Variants in TRMT44 observed in about 807,000 individuals in gnomAD.
TRMT44 encodes tRNA methyltransferase 44 homolog.
Under a neutral mutation model 77.3 loss-of-function variants are expected in TRMT44, and 78 were observed. The ratio of observed to expected loss-of-function variants is 1.01; its 90% CI spans 0.84 to 1.22. The LOEUF (loss-of-function observed/expected upper bound fraction) is 1.22, where lower values mean the gene tolerates loss of function less well. Ranked by LOEUF, TRMT44 falls within the 50% of genes most tolerant of loss-of-function variation. TRMT44 has a pLI of 0.00. For missense variants in TRMT44, 1,090 were observed against 964.4 expected (o/e 1.13, Z -1.73); for synonymous variants, 391 against 383.3 (o/e 1.02, Z -0.23).
At chr4:8,457,971 G>C (rs1244037364) in intron 6 of TRMT44, among the ~76,000 whole-genome samples, 1 of 152,208 alleles carries the variant, frequency 6.6e-6, no homozygotes, top group Non-Finnish European at 1.5e-5. Flanking sequence ...CCACTCCAGA[G>C]GAATTAACTA....
rs571039724 is a variant in TRMT44 at position 8,446,708 on chromosome 4, G to A, written c.734+118G>A. On this transcript the variant is annotated intron_variant, in intron 2 of 10. Transcript: ENST00000389737. The surrounding 1 kb of genome is among the most constrained non-coding windows in gnomAD (Gnocchi z 4.3). ...CCTGTCTCTGAGGTGGTTATGGTTT[G>A]TAGGAATGCAGTTGCTAGCTTATGT... The A allele has an allele frequency of 2.8e-4, 182 of 657,966 alleles. 1 individual carries two copies. Among genetic ancestry groups the A allele is most frequent in the Middle Eastern group, 1.8e-3 (6 of 3,338 alleles). 40.8% of individuals were successfully genotyped at this position (657,966 alleles called of 1,614,324 possible).
At chr4:8,491,294 A>G (rs1280151862) in intron 2 of TRMT44, among the ~76,000 whole-genome samples, 2 of 152,246 alleles carry the variant, frequency 1.3e-5, no homozygotes, top group Non-Finnish European at 2.9e-5. Context: ...TCCCTGAGCT[A>G]GACATAAAGA....
In TRMT44 at chr4:8,440,788, G is replaced by T; in HGVS notation, c.-35G>T. The T allele has an allele frequency of 7.3e-7, 1 of 1,378,218 alleles. No individual in the cohort carries two copies. The highest frequency in any genetic ancestry group is 9.3e-7 in the Non-Finnish European group (1 of 1,070,838). 85.4% of individuals were successfully genotyped at this position (1,378,218 alleles called of 1,614,324 possible). On this transcript the variant is annotated 5_prime_UTR_variant, in exon 1 of 11. Transcript: ENST00000389737. The stretch of plus-strand genomic sequence containing the variant: ...CGCCACCGGGCTGCGTCATCTCGGC[G>T]CGCCGCTGCCAGGGCTGTACACCTG...
intron 6 of TRMT44, among the ~76,000 whole-genome samples, chr4:8,455,169 G>A (rs376484077): frequency 3.3e-5 from 5 of 152,206 alleles, no homozygotes; most frequent in African/African-American, 4.8e-5. Context: ...AAGGCTGCTC[G>A]TTCAGTCAGC....
intron 8 of TRMT44, among the ~76,000 whole-genome samples, 160 bp from the exon 9 acceptor site, chr4:8,467,754 T>C (rs1726690928): frequency 6.6e-6 from 1 of 152,204 alleles, no homozygotes; most frequent in African/African-American, 2.4e-5. Context: ...ATGATAGGAG[T>C]GAGCCACCGT....
intron 6 of TRMT44, among the ~76,000 whole-genome samples, chr4:8,459,134 T>G: frequency 6.6e-6 from 1 of 152,066 alleles, no homozygotes. Flanking sequence ...TTTGGGAGGT[T>G]GAGACTGCGG....
chr4:8,497,416 C>T (rs1434613063), downstream of TRMT44, among the ~76,000 whole-genome samples: 22 of 152,166 alleles, frequency 1.4e-4, no homozygotes, highest in Admixed American at 1.3e-3. Flanking sequence ...GAGGCCGAGG[C>T]GGGTGGATCA....
chr4:8,508,261 C>T, the TRMT44 span, among the ~76,000 whole-genome samples: 1 of 152,214 alleles, frequency 6.6e-6, no homozygotes. Context: ...TGAGGCAGCC[C>T]CTGGGCAATT....
chr4:8,499,774 G>A, the TRMT44 span, among the ~76,000 whole-genome samples: 3 of 152,216 alleles, frequency 2.0e-5, no homozygotes, highest in Non-Finnish European at 4.4e-5. Context: ...AGGAGGTTGG[G>A]AGGAGGGACG....
intron 6 of TRMT44, 141 bp downstream of exon 6, chr4:8,454,954 TTAGAG>T (rs1725708106): frequency 5.1e-6 from 4 of 790,070 alleles, no homozygotes; most frequent in Non-Finnish European, 8.4e-6. Context: ...TGCTCTGAAA[TTAGAG>T]AAGAGAAAAA....
chr4:8,470,652 A>G (rs1390114358), intron 9 of TRMT44, among the ~76,000 whole-genome samples: 1 of 152,142 alleles, frequency 6.6e-6, no homozygotes. Context: ...CGGTAGCGCC[A>G]GGCTGGCTGC....
At position 8,471,446 on chromosome 4, in the gene TRMT44, C is replaced by T. The variant is rs537455129; in HGVS notation, c.2044+246C>T. On this transcript the variant is annotated intron_variant, in intron 10 of 10. Transcript: ENST00000389737. ...CGATGTCCCCAGGCTGGTCTCTCTC[C>T]CCCTATGCTGTGCTTGCTGACGCCT... 2.0e-5 allele frequency among the ~76,000 whole-genome samples: 3 copies of T among 152,356 alleles called. No homozygotes were observed. The South Asian group carries it at 6.2e-4, about 32-fold the overall frequency.
chr4:8,475,828 A>G lies in TRMT44; in HGVS notation c.2101A>G (p.Lys701Glu), dbSNP rs1410933433. 2 of 1,614,032 alleles carry G rather than the reference A, an allele frequency of 1.2e-6. No homozygotes were observed. The highest frequency in any genetic ancestry group is 1.3e-5 in the African/African-American group (1 of 74,932). The change falls in exon 11 of 11, where the codon AAG becomes GAG. Residue 701 changes from lysine to glutamate, a missense_variant. Transcript: ENST00000389737. ...DWREETLWKT[K>E]QPEAKQRLLS... ...GCGAGAGGAGACACTGTGGAAGACA[A>G]AGCAACCGGAAGCGAAACAGAGACT... is the stretch of plus-strand genomic sequence containing the variant.
At chr4:8,470,405 A>G (rs79520080) in intron 9 of TRMT44, among the ~76,000 whole-genome samples, 7,336 of 152,342 alleles carry the variant, frequency 0.048, 293 homozygotes, top group African/African-American at 0.1. Context: ...GAGGTGCAGC[A>G]CCTGGCAGAT....
Position 8,468,296 on chromosome 4 carries a change from T to A in TRMT44, c.1877T>A (p.Leu626Ter), listed in dbSNP as rs754331368. 27 of 1,614,196 alleles carry A rather than the reference T, an allele frequency of 1.7e-5. No individual in the cohort carries two copies. In the Middle Eastern group the frequency reaches 6.6e-4, roughly 39 times the overall value. Residue 626 changes from leucine to a stop codon, truncating the protein, a stop_gained, in exon 9 of 11, where the codon TTA becomes TAA. Coordinates refer to ENST00000389737, the MANE Select transcript of TRMT44 (RefSeq NM_152544.3). LOFTEE classifies it high-confidence loss of function. ...VANLLLGGKQ[L>*]NTRSSRNGSL... is the part of the protein sequence containing the mutation. The stretch of plus-strand genomic sequence containing the variant: ...AATTTACTGTTAGGTGGAAAGCAAT[T>A]AAACACAAGAAGTTCTCGAAATGGG...
At position 8,459,444 on chromosome 4, in the gene TRMT44, G is replaced by T. The variant is rs149439074; in HGVS notation, c.1204-4541G>T. Among the ~76,000 whole-genome samples the T allele has an allele frequency of 3.9e-4, 59 of 152,302 alleles. No homozygotes were observed. The East Asian group carries it at 0.011, about 27-fold the overall frequency. ...CAGGCGAGGAAACCGAGGTACCCTTGGGGAGGTTAGGTCAGCCATGTGTAC... is the reference window on the plus strand; with the variant it reads ...CAGGCGAGGAAACCGAGGTACCCTTTGGGAGGTTAGGTCAGCCATGTGTAC... On this transcript the variant is annotated intron_variant, in intron 6 of 10. Coordinates refer to ENST00000389737, the MANE Select transcript of TRMT44 (RefSeq NM_152544.3).
intron 2 of TRMT44, among the ~76,000 whole-genome samples, chr4:8,483,780 TTG>T (rs1412089541): frequency 1.3e-5 from 2 of 152,322 alleles, no homozygotes; most frequent in Admixed American, 1.3e-4. Flanking sequence ...AACTGAGGAA[TTG>T]TGTCTGACAG....
intron 2 of TRMT44, among the ~76,000 whole-genome samples, chr4:8,490,749 C>T (rs1313590274): frequency 6.6e-6 from 1 of 152,190 alleles, no homozygotes; most frequent in East Asian, 1.9e-4. Flanking sequence ...GGAAGGGGCC[C>T]CGAGCGGGTT....
At position 8,440,805 on chromosome 4, in the gene TRMT44, G is replaced by A; in HGVS notation, c.-18G>A. On this transcript the variant is annotated 5_prime_UTR_variant, in exon 1 of 11. Coordinates refer to ENST00000389737, the MANE Select transcript of TRMT44 (RefSeq NM_152544.3). Reference sequence around the variant, plus strand: ...ATCTCGGCGCGCCGCTGCCAGGGCTGTACACCTGCTGGCTGCCATGGCTGA... The same window carrying A: ...ATCTCGGCGCGCCGCTGCCAGGGCTATACACCTGCTGGCTGCCATGGCTGA... 3 of 1,437,900 alleles carry A rather than the reference G, an allele frequency of 2.1e-6. No homozygotes were observed. Among genetic ancestry groups the A allele is most frequent in the Non-Finnish European group, 2.7e-6 (3 of 1,099,020 alleles). 89.1% of individuals were successfully genotyped at this position (1,437,900 alleles called of 1,614,324 possible).
Sources: gnomAD v4.1 joint callset for allele counts (sites outside exome capture counted in the v4.1 genomes callset) on GRCh38, gnomAD v4.1.1 for gene constraint, Gnocchi (gnomAD v3.1) non-coding constraint, MANE v1.5 for transcripts, NCBI Gene and HGNC (gene_info 2026-07-23, HGNC 2026-07-21) for gene names.